The following SMYD3 variants were observed in gnomAD, a reference collection of about 807,000 sequenced individuals.
SMYD3 encodes histone-lysine N-methyltransferase SMYD3.
Under a neutral mutation model 57.7 loss-of-function variants are expected in SMYD3, and 36 were observed. The ratio of observed to expected loss-of-function variants is 0.62; its 90% CI spans 0.48 to 0.82. The LOEUF (loss-of-function observed/expected upper bound fraction) is 0.82. Among genes scored for constraint, SMYD3 ranks in the 40% least tolerant of loss-of-function variants. The pLI, the probability that SMYD3 is intolerant of heterozygous loss-of-function variation, is 0.00. For missense variants in SMYD3, 515 were observed against 538.8 expected, an observed-to-expected ratio of 0.96 and a Z score of 0.44; for synonymous variants, 211 against 195.0, an observed-to-expected ratio of 1.08 and a Z score of -0.68.
chr1:246,199,282 C>T (rs1019042652), intron 5 of SMYD3, among the ~76,000 whole-genome samples: 4 of 152,318 alleles, frequency 2.6e-5, no homozygotes, highest in South Asian at 2.1e-4. Flanking sequence ...TCTAAGATCA[C>T]GTGCCCTCTG....
At chr1:246,287,957 C>G (rs1172285685) in intron 5 of SMYD3, among the ~76,000 whole-genome samples, 3 of 151,758 alleles carry the variant, frequency 2.0e-5, no homozygotes, top group Non-Finnish European at 2.9e-5. Flanking sequence ...CCTAGGAAGG[C>G]CTTGGAACGT....
At chr1:246,050,827 C>A (rs2060054302) in intron 5 of SMYD3, among the ~76,000 whole-genome samples, 1 of 152,094 alleles carries the variant, frequency 6.6e-6, no homozygotes, top group African/African-American at 2.4e-5. Flanking sequence ...CAGGCAAAAC[C>A]AATGTTCCAC....
chr1:246,093,376 A>G (rs2060854441), intron 5 of SMYD3, among the ~76,000 whole-genome samples: 1 of 152,220 alleles, frequency 6.6e-6, no homozygotes, highest in African/African-American at 2.4e-5. Flanking sequence ...TGTGCCCATC[A>G]ACAGATAAAT....
At chr1:246,227,956 CTTTTTTTT>C (rs202246263) in intron 5 of SMYD3, among the ~76,000 whole-genome samples, 25,314 of 115,788 alleles carry the variant, frequency 0.22, 2,352 homozygotes, top group East Asian at 0.54. Context: ...ATTTTTATTC[CTTTTTTTT>C]TTTTTTTTTT....
chr1:246,441,183 C>A (rs1391594480), intron 1 of SMYD3, among the ~76,000 whole-genome samples: 1 of 152,168 alleles, frequency 6.6e-6, no homozygotes, highest in East Asian at 1.9e-4. Flanking sequence ...ACAGGAAGAT[C>A]TCTAATGAGT....
chr1:246,498,669 G>A (rs1309636275), intron 1 of SMYD3, among the ~76,000 whole-genome samples: 3 of 150,752 alleles, frequency 2.0e-5, no homozygotes, highest in Non-Finnish European at 3.0e-5. Flanking sequence ...AGACGGAGCT[G>A]GCAGTGAGCC....
chr1:246,247,465 C>CTCTCTA lies in SMYD3; in HGVS notation c.531+79735_531+79736insTAGAGA, dbSNP rs1258011037. Among the ~76,000 whole-genome samples, 10 of 111,898 alleles carry CTCTCTA rather than the reference C, an allele frequency of 8.9e-5. No homozygotes were observed. In the South Asian group the frequency reaches 9.8e-4, roughly 11 times the overall value. The allele number at this position is 111,898 out of a possible 152,430, so 73.4% of individuals were successfully genotyped here. On this transcript the variant is annotated intron_variant, in intron 5 of 11. Transcript: ENST00000490107. ...GATAACTCTCTCTCTCTCTCTCTCT[C>CTCTCTA]TATATATATATATATATATATTTTT...
chr1:246,495,485 C>T (rs6660942), intron 1 of SMYD3, among the ~76,000 whole-genome samples: 119,823 of 151,910 alleles, frequency 0.79, 48,192 homozygotes, highest in East Asian at 0.89. Flanking sequence ...TAGCCAATGT[C>T]GAGAACCAAC....
intron 1 of SMYD3, among the ~76,000 whole-genome samples, chr1:246,450,928 T>A (rs543464446): frequency 1.3e-5 from 2 of 152,208 alleles, no homozygotes; most frequent in African/African-American, 2.4e-5. Context: ...TGCCAACTGT[T>A]CAGTGTACAT....
At chr1:246,033,216 TA>T (rs369941936) in intron 5 of SMYD3, among the ~76,000 whole-genome samples, 14 of 145,818 alleles carry the variant, frequency 9.6e-5, no homozygotes, top group Admixed American at 7.5e-4. Flanking sequence ...TAATTGGTAA[TA>T]AAAAAAAAAC....
chr1:246,233,092 A>G (rs2063444402), intron 5 of SMYD3, among the ~76,000 whole-genome samples: 1 of 131,724 alleles, frequency 7.6e-6, no homozygotes, highest in Non-Finnish European at 1.6e-5. Context: ...CACACAGAGG[A>G]GAAGCACTCC....
chr1:246,131,575 C>T (rs1347566735), intron 5 of SMYD3, among the ~76,000 whole-genome samples: 2 of 152,300 alleles, frequency 1.3e-5, no homozygotes, highest in African/African-American at 4.8e-5. Flanking sequence ...ATTATACATT[C>T]CCAACACTGT....
chr1:245,918,258 C>G (rs2055591070), intron 7 of SMYD3, among the ~76,000 whole-genome samples: 1 of 152,178 alleles, frequency 6.6e-6, no homozygotes, highest in Non-Finnish European at 1.5e-5. Flanking sequence ...CAGCATAGCA[C>G]AGTAAAAACT....
intron 10 of SMYD3, among the ~76,000 whole-genome samples, chr1:245,795,418 A>C (rs1277326963): frequency 6.6e-6 from 1 of 152,178 alleles, no homozygotes; most frequent in East Asian, 1.9e-4. Flanking sequence ...CACAGAGTAC[A>C]TATCTAGTCC....
At chr1:246,197,745 G>A (rs1179902460) in intron 5 of SMYD3, among the ~76,000 whole-genome samples, 1 of 152,060 alleles carries the variant, frequency 6.6e-6, no homozygotes, top group Non-Finnish European at 1.5e-5. Flanking sequence ...ATCAATATTG[G>A]TTCATTAATT....
chr1:246,207,348 C>T (rs2063015721), intron 5 of SMYD3, among the ~76,000 whole-genome samples: 1 of 152,106 alleles, frequency 6.6e-6, no homozygotes, highest in Non-Finnish European at 1.5e-5. Context: ...GCCTCTCCTT[C>T]CACGTTTTCA....
chr1:246,255,128 TTGAC>T (rs1470447854), intron 5 of SMYD3, among the ~76,000 whole-genome samples: 42 of 152,106 alleles, frequency 2.8e-4, no homozygotes, highest in African/African-American at 9.2e-4. Flanking sequence ...TTTTTTTCAC[TTGAC>T]TGACTGCTCC....
chr1:246,126,279 C>T (rs1192300865), intron 5 of SMYD3, among the ~76,000 whole-genome samples: 4 of 152,146 alleles, frequency 2.6e-5, no homozygotes, highest in African/African-American at 4.8e-5. Context: ...TAGACTGTAG[C>T]CAGGCCTGCT....
chr1:246,500,288 AT>A (rs1289686452), intron 1 of SMYD3, among the ~76,000 whole-genome samples: 4 of 152,234 alleles, frequency 2.6e-5, no homozygotes, highest in Non-Finnish European at 1.5e-5. Context: ...CTTGGTCTAC[AT>A]CCCACCAATA....
Sources: gnomAD v4.1 joint callset for allele counts (sites outside exome capture counted in the v4.1 genomes callset) on GRCh38, gnomAD v4.1.1 for gene constraint, MANE v1.5 for transcripts, NCBI Gene and HGNC (gene_info 2026-07-23, HGNC 2026-07-21) for gene names.